Variants in KCNJ6 observed in about 807,000 individuals in gnomAD.
The protein encoded by KCNJ6 is potassium inwardly rectifying channel subfamily J member 6.
KCNJ6 carries 9 observed loss-of-function variants against 34.2 expected under a neutral mutation model. The observed-to-expected ratio is 0.26, with a 90% CI of 0.16 to 0.46. The LOEUF (loss-of-function observed/expected upper bound fraction) is 0.46. Among genes scored for constraint, KCNJ6 ranks in the 20% least tolerant of loss-of-function variants. The pLI, the probability that KCNJ6 is intolerant of heterozygous loss-of-function variation, is 1.00. For missense variants in KCNJ6, 236 were observed against 531.3 expected, an observed-to-expected ratio of 0.44 and a Z score of 5.46; for synonymous variants, 196 against 207.1, an observed-to-expected ratio of 0.95 and a Z score of 0.46.
At chr21:37,677,791 C>CCATCCAT (rs1399999027) in intron 3 of KCNJ6, among the ~76,000 whole-genome samples, 13 of 14,032 alleles carry the variant, frequency 9.3e-4, no homozygotes, top group South Asian at 2.1e-3. Flanking sequence ...CATCCATCCA[C>CCATCCAT]CCACCTATCC....
chr21:37,703,653 A>C (rs1159760492), intron 3 of KCNJ6, among the ~76,000 whole-genome samples: 1 of 152,152 alleles, frequency 6.6e-6, no homozygotes. Context: ...CAAAACATCT[A>C]ACACCCTCCG....
intron 2 of KCNJ6, among the ~76,000 whole-genome samples, chr21:37,839,700 G>A (rs536024149): frequency 6.6e-6 from 1 of 152,262 alleles, no homozygotes; most frequent in Admixed American, 6.5e-5. Flanking sequence ...AATATGCCTT[G>A]TATTTCATAT....
intron 1 of KCNJ6, among the ~76,000 whole-genome samples, chr21:37,858,257 G>T (rs916417919): frequency 6.6e-6 from 1 of 151,696 alleles, no homozygotes; most frequent in Non-Finnish European, 1.5e-5. Flanking sequence ...GCCAGGCGTA[G>T]TGGCGGGCGC....
intron 1 of KCNJ6, among the ~76,000 whole-genome samples, chr21:37,905,564 A>G (rs2055837546): frequency 6.6e-6 from 1 of 152,200 alleles, no homozygotes; most frequent in Non-Finnish European, 1.5e-5. Context: ...CCAAAACGCT[A>G]CTGTTCTTCC....
At chr21:37,827,648 G>T (rs545166001) in intron 2 of KCNJ6, among the ~76,000 whole-genome samples, 1 of 152,120 alleles carries the variant, frequency 6.6e-6, no homozygotes, top group East Asian at 1.9e-4. Context: ...AGGTATGGAA[G>T]ATAATGATAC....
chr21:37,802,223 A>G (rs993352041), intron 2 of KCNJ6, among the ~76,000 whole-genome samples: 1 of 152,142 alleles, frequency 6.6e-6, no homozygotes, highest in Non-Finnish European at 1.5e-5. Context: ...CAGTTGTTGC[A>G]GGGGGGAACA....
At position 37,695,747 on chromosome 21, in the gene KCNJ6, G is replaced by C. The variant is rs190128278; in HGVS notation, c.946+18464C>G. Reference sequence around the variant, plus strand: ...AGGGACCTGGTATGAATATCTTCTCGGTACACCAAGTGCCTATGTCTTGGC... The same window carrying C: ...AGGGACCTGGTATGAATATCTTCTCCGTACACCAAGTGCCTATGTCTTGGC... On this transcript the variant is annotated intron_variant, in intron 3 of 3. Coordinates refer to ENST00000609713, the MANE Select transcript of KCNJ6 (RefSeq NM_002240.5). This position sits in a 1 kb window ranked among gnomAD's most constrained non-coding sequence, Gnocchi z 4.2. 9.2e-5 allele frequency among the ~76,000 whole-genome samples: 14 copies of C among 152,204 alleles called. No individual in the cohort carries two copies. In the East Asian group the frequency reaches 2.5e-3, roughly 27 times the overall value.
intron 3 of KCNJ6, among the ~76,000 whole-genome samples, chr21:37,638,551 A>G (rs923306160): frequency 2.0e-5 from 3 of 152,226 alleles, no homozygotes; most frequent in African/African-American, 4.8e-5. Flanking sequence ...AGCCAAAGGC[A>G]TTCTGCACAC....
intron 2 of KCNJ6, among the ~76,000 whole-genome samples, chr21:37,804,462 G>GT (rs1371275191): frequency 1.3e-5 from 2 of 152,034 alleles, no homozygotes; most frequent in African/African-American, 4.8e-5. Flanking sequence ...ACGTGTGCAG[G>GT]TTTTTTATAC....
At chr21:37,897,565 G>C (rs1292717222) in intron 1 of KCNJ6, among the ~76,000 whole-genome samples, 3 of 152,180 alleles carry the variant, frequency 2.0e-5, no homozygotes, top group Non-Finnish European at 4.4e-5. Context: ...TCCGTGCCCT[G>C]TGGCCTGTCC....
At chr21:37,800,875 C>A (rs1466466205) in intron 2 of KCNJ6, among the ~76,000 whole-genome samples, 1 of 152,202 alleles carries the variant, frequency 6.6e-6, no homozygotes, top group Non-Finnish European at 1.5e-5. Context: ...GCACATCTTA[C>A]TTTGCAAGGC....
intron 1 of KCNJ6, among the ~76,000 whole-genome samples, chr21:37,860,397 T>C (rs1472160212): frequency 6.6e-6 from 1 of 152,214 alleles, no homozygotes; most frequent in Non-Finnish European, 1.5e-5. Flanking sequence ...CTTTCTCGCC[T>C]GGTCTACGCC....
At chr21:37,904,076 A>T (rs2055830001) in intron 1 of KCNJ6, among the ~76,000 whole-genome samples, 1 of 152,192 alleles carries the variant, frequency 6.6e-6, no homozygotes, top group East Asian at 1.9e-4. Flanking sequence ...CTCCTATCCC[A>T]CAACAGTTTT....
Position 37,906,627 on chromosome 21 carries a change from T to G in KCNJ6, c.-28+9257A>C, listed in dbSNP as rs140086985. Among the ~76,000 whole-genome samples, 311 of 152,310 alleles carry G rather than the reference T, an allele frequency of 2.0e-3. 3 individuals are homozygous for G. Among genetic ancestry groups the G allele is most frequent in the East Asian group, 8.3e-3 (43 of 5,188 alleles). On this transcript the variant is annotated intron_variant, in intron 1 of 3. Coordinates refer to ENST00000609713, the MANE Select transcript of KCNJ6 (RefSeq NM_002240.5). ...TTCAGGGACACACTATGGGAACCAC[T>G]GACCTCAGCTGACTTTCATCAGCTC...
At chr21:37,843,726 T>C (rs1212542360) in intron 1 of KCNJ6, among the ~76,000 whole-genome samples, 5 of 152,200 alleles carry the variant, frequency 3.3e-5, no homozygotes, top group African/African-American at 4.8e-5. Flanking sequence ...ATGCAGTTGA[T>C]GAAACTGAAG....
rs79977672 is a variant in KCNJ6, at chr21:37,780,736, A to G, written c.25+59922T>C. 2.7e-3 allele frequency among the ~76,000 whole-genome samples: 406 copies of G among 152,354 alleles called. 3 individuals carry two copies. The highest frequency in any genetic ancestry group is 9.5e-3 in the African/African-American group (394 of 41,588). On this transcript the variant is annotated intron_variant, in intron 2 of 3. Coordinates refer to ENST00000609713, the MANE Select transcript of KCNJ6 (RefSeq NM_002240.5). The stretch of plus-strand genomic sequence containing the variant: ...TAACTAAAAGACTACATAATTGGAT[A>G]GTTTGTAACACAAAGGATAAATGCT...
chr21:37,791,774 C>G (rs1005680241), intron 2 of KCNJ6, among the ~76,000 whole-genome samples: 3 of 151,782 alleles, frequency 2.0e-5, no homozygotes, highest in Non-Finnish European at 2.9e-5. Flanking sequence ...TTTTTTTAGC[C>G]TGCTTTAAAA....
At chr21:37,843,640 G>T (rs2055491825) in intron 1 of KCNJ6, among the ~76,000 whole-genome samples, 1 of 152,154 alleles carries the variant, frequency 6.6e-6, no homozygotes, top group Admixed American at 6.5e-5. Context: ...TACATTACTG[G>T]GAAGAGCTTT....
intron 2 of KCNJ6, among the ~76,000 whole-genome samples, chr21:37,722,245 G>A (rs2054830653): frequency 6.6e-6 from 1 of 152,132 alleles, no homozygotes; most frequent in Admixed American, 6.5e-5. Flanking sequence ...AACCAAGGAG[G>A]TGAATGATCT....
Sources: gnomAD v4.1 joint callset for allele counts (sites outside exome capture counted in the v4.1 genomes callset) on GRCh38, gnomAD v4.1.1 for gene constraint, Gnocchi (gnomAD v3.1) non-coding constraint, MANE v1.5 for transcripts, NCBI Gene and HGNC (gene_info 2026-07-23, HGNC 2026-07-21) for gene names.